The following GPHN variants were observed in gnomAD, a reference collection of about 807,000 sequenced individuals.
The protein encoded by GPHN is gephyrin.
GPHN carries 17 observed loss-of-function variants against 95.5 expected under a neutral mutation model. The observed-to-expected ratio is 0.18, with a 90% CI of 0.12 to 0.27. GPHN has a LOEUF of 0.27. Among genes scored for constraint, GPHN ranks in the 10% least tolerant of loss-of-function variants. The probability of loss-of-function intolerance (pLI) is 1.00; values close to 1 mark genes in which losing one functional copy is unlikely to be tolerated. For missense variants in GPHN, 660 were observed against 978.1 expected, an observed-to-expected ratio of 0.67 and a Z score of 4.34; for synonymous variants, 320 against 322.5, an observed-to-expected ratio of 0.99 and a Z score of 0.08.
chr14:67,163,531 A>G (rs1008624566), intron 19 of GPHN, among the ~76,000 whole-genome samples: 3 of 152,168 alleles, frequency 2.0e-5, no homozygotes, highest in African/African-American at 7.2e-5. Context: ...ATGTGGGGTT[A>G]TGGTTTATGG....
the GPHN span, chr14:67,334,738 C>A: frequency 1.3e-5 from 2 of 152,158 alleles, no homozygotes; most frequent in Admixed American, 6.6e-5. Flanking sequence ...CTGAAATACT[C>A]CAGTTTAGAG....
chr14:67,464,688 G>A, the GPHN span, among the ~76,000 whole-genome samples: 3 of 152,188 alleles, frequency 2.0e-5, no homozygotes, highest in Admixed American at 1.3e-4. Context: ...CATCTCTTCT[G>A]GCAGACCTTT....
intron 9 of GPHN, among the ~76,000 whole-genome samples, chr14:66,993,484 A>G (rs1279089093): frequency 6.6e-6 from 1 of 152,210 alleles, no homozygotes; most frequent in Admixed American, 6.5e-5. Context: ...CTTAACAAAG[A>G]TATTTCCCCT....
At chr14:66,804,715 C>T (rs2060480463) in intron 3 of GPHN, among the ~76,000 whole-genome samples, 1 of 152,262 alleles carries the variant, frequency 6.6e-6, no homozygotes, top group Non-Finnish European at 1.5e-5. Context: ...AAAGTTTCCT[C>T]CTCTTTGGAA....
rs1239122208 is a variant in GPHN at position 67,180,968 on chromosome 14, T to C, written c.*31T>C. 8 of 1,610,274 alleles carry C rather than the reference T, an allele frequency of 5.0e-6. No individual in the cohort carries two copies. Among genetic ancestry groups the C allele is most frequent in the Non-Finnish European group, 6.8e-6 (8 of 1,176,782 alleles). On this transcript the variant is annotated 3_prime_UTR_variant, in exon 23 of 23. Coordinates refer to ENST00000478722, the MANE Select transcript of GPHN (RefSeq NM_020806.5). ...ACCAGCAGGAGAAAGCTTTGATGCATGTCCACATATCATTGACTGTATCCT... is the reference window on the plus strand; with the variant it reads ...ACCAGCAGGAGAAAGCTTTGATGCACGTCCACATATCATTGACTGTATCCT...
chr14:67,688,928 A>G, the GPHN span, among the ~76,000 whole-genome samples: 2 of 152,198 alleles, frequency 1.3e-5, no homozygotes, highest in African/African-American at 4.8e-5. Context: ...CAACATGGGC[A>G]CTGAATACGT....
intron 1 of GPHN, among the ~76,000 whole-genome samples, chr14:66,629,155 A>AT (rs2063656481): frequency 3.6e-5 from 4 of 112,268 alleles, no homozygotes; most frequent in Non-Finnish European, 7.0e-5. Flanking sequence ...ATACATATAT[A>AT]AATATGTATA....
At chr14:66,690,486 A>C (rs117796551) in intron 2 of GPHN, among the ~76,000 whole-genome samples, 2,026 of 152,270 alleles carry the variant, frequency 0.013, 19 homozygotes, top group Middle Eastern at 0.02. Flanking sequence ...GTGCTGATGA[A>C]AAGTATGTGT....
At chr14:66,915,375 C>T (rs867337750) in intron 5 of GPHN, among the ~76,000 whole-genome samples, 1 of 152,140 alleles carries the variant, frequency 6.6e-6, no homozygotes, top group South Asian at 2.1e-4. Flanking sequence ...TCCTTGACTC[C>T]AGTCTTCCAC....
chr14:67,619,641 A>T, the GPHN span, among the ~76,000 whole-genome samples: 1 of 152,256 alleles, frequency 6.6e-6, no homozygotes, highest in Non-Finnish European at 1.5e-5. Flanking sequence ...CCGCGAAGGG[A>T]CACACCTGTT....
At chr14:66,596,019 T>C (rs963224852) in intron 1 of GPHN, among the ~76,000 whole-genome samples, 1 of 152,030 alleles carries the variant, frequency 6.6e-6, no homozygotes, top group African/African-American at 2.4e-5. Flanking sequence ...AGGCAGGGCA[T>C]CCTGACAAGT....
chr14:66,675,145 A>ATTTT (rs2066512681), intron 1 of GPHN, among the ~76,000 whole-genome samples: 1 of 110,422 alleles, frequency 9.1e-6, no homozygotes, highest in Non-Finnish European at 1.7e-5. Flanking sequence ...TTCTTTTTCC[A>ATTTT]GTTTTTTTTT....
intron 5 of GPHN, among the ~76,000 whole-genome samples, chr14:66,896,589 T>C (rs2064861719): frequency 6.6e-6 from 1 of 152,068 alleles, no homozygotes; most frequent in South Asian, 2.1e-4. Flanking sequence ...TCGCCTGGGG[T>C]ACAGAGTGAG....
At position 66,664,989 on chromosome 14, in the gene GPHN, C is replaced by CAA. The variant is rs937401198; in HGVS notation, c.65-16097_65-16096dup. Among the ~76,000 whole-genome samples the CAA allele has an allele frequency of 6.2e-3, 340 of 54,790 alleles. 2 individuals are homozygous for CAA. The highest frequency in any genetic ancestry group is 8.9e-3 in the African/African-American group (146 of 16,332). 35.9% of individuals were successfully genotyped at this position (54,790 alleles called of 152,430 possible). ...AGGCAGCAATAAATAGCCTACCAACCAAAAAAAAAAAAAAAAAAAAAAGCC... is the reference window on the plus strand; with the variant it reads ...AGGCAGCAATAAATAGCCTACCAACCAAAAAAAAAAAAAAAAAAAAAAAAGCC... On this transcript the variant is annotated intron_variant, in intron 1 of 22. Coordinates refer to ENST00000478722, the MANE Select transcript of GPHN (RefSeq NM_020806.5).
At chr14:67,615,724 C>T in the GPHN span, 3 of 485,258 alleles carry the variant, frequency 6.2e-6, no homozygotes, top group East Asian at 8.7e-5. Flanking sequence ...ATATATCCCT[C>T]CTAAAGGGGA....
At chr14:67,002,133 A>G (rs2072273153) in intron 9 of GPHN, among the ~76,000 whole-genome samples, 1 of 151,576 alleles carries the variant, frequency 6.6e-6, no homozygotes, top group African/African-American at 2.4e-5. Context: ...TTCTATATTC[A>G]AAAAACAGAA....
chr14:67,574,740 C>G, the GPHN span, among the ~76,000 whole-genome samples: 1 of 152,032 alleles, frequency 6.6e-6, no homozygotes, highest in African/African-American at 2.4e-5. The surrounding 1 kb of genome is among the most constrained non-coding windows in gnomAD (Gnocchi z 4.2). Flanking sequence ...GAGGCCTGGG[C>G]GAGGTAGGTA....
chr14:67,348,266 A>G, the GPHN span, among the ~76,000 whole-genome samples: 1 of 151,250 alleles, frequency 6.6e-6, no homozygotes, highest in Non-Finnish European at 1.5e-5. Flanking sequence ...TAGAGACAGG[A>G]TTTCTCCATA....
At chr14:67,553,907 G>A in the GPHN span, among the ~76,000 whole-genome samples, 1 of 152,222 alleles carries the variant, frequency 6.6e-6, no homozygotes, top group Non-Finnish European at 1.5e-5. Flanking sequence ...GTTACCGCAA[G>A]AGAGGAAGGA....
Sources: gnomAD v4.1 joint callset for allele counts (sites outside exome capture counted in the v4.1 genomes callset) on GRCh38, gnomAD v4.1.1 for gene constraint, Gnocchi (gnomAD v3.1) non-coding constraint, MANE v1.5 for transcripts, NCBI Gene and HGNC (gene_info 2026-07-23, HGNC 2026-07-21) for gene names.